Variants in RXFP1 observed in about 807,000 individuals in gnomAD.
The protein encoded by RXFP1 is relaxin family peptide receptor 1.
A neutral mutation model predicts 89.8 loss-of-function variants in RXFP1; 73 were observed. That is an observed-to-expected ratio of 0.81 (90% CI 0.67 to 0.99). The LOEUF (loss-of-function observed/expected upper bound fraction) is 0.99, where lower values mean the gene tolerates loss of function less well. Among genes scored for constraint, RXFP1 ranks in the 50% least tolerant of loss-of-function variants. The probability of loss-of-function intolerance (pLI) is 0.00; values close to 1 mark genes in which losing one functional copy is unlikely to be tolerated. For missense variants in RXFP1, 793 were observed against 895.5 expected (o/e 0.89, Z 1.46); for synonymous variants, 277 against 305.5 (o/e 0.91, Z 0.97).
At chr4:158,550,545 A>G (rs1183363906) in intron 1 of RXFP1, among the ~76,000 whole-genome samples, 2 of 152,216 alleles carry the variant, frequency 1.3e-5, no homozygotes, top group Non-Finnish European at 2.9e-5. Flanking sequence ...TGCATTGCTC[A>G]GGCTGGGAGC....
At chr4:158,556,224 C>CAAAAAAAAAAAAAAAAATAAAAA (rs1751266428) in intron 1 of RXFP1, among the ~76,000 whole-genome samples, 1 of 132,480 alleles carries the variant, frequency 7.5e-6, no homozygotes. Flanking sequence ...AACTTAACAG[C>CAAAAAAAAAAAAAAAAATAAAAA]AAAAAAAAAA....
intron 1 of RXFP1, among the ~76,000 whole-genome samples, chr4:158,567,945 C>T (rs1281316087): frequency 4.6e-5 from 7 of 152,226 alleles, no homozygotes; most frequent in Admixed American, 2.0e-4. Flanking sequence ...ATAAATCTTG[C>T]AGCTGCTCAC....
chr4:158,565,036 G>A (rs1050776064), intron 1 of RXFP1, among the ~76,000 whole-genome samples: 1 of 152,178 alleles, frequency 6.6e-6, no homozygotes, highest in African/African-American at 2.4e-5. Flanking sequence ...GAATTTCGGA[G>A]TTCCACTGGG....
intron 9 of RXFP1, among the ~76,000 whole-genome samples, chr4:158,617,501 C>T (rs58060950): frequency 1.9e-3 from 281 of 151,618 alleles, no homozygotes; most frequent in African/African-American, 6.4e-3. Context: ...TATGTAACAT[C>T]TCCCCCTTTC....
chr4:158,534,646 G>C (rs967062042), intron 1 of RXFP1, among the ~76,000 whole-genome samples: 5 of 152,002 alleles, frequency 3.3e-5, no homozygotes, highest in African/African-American at 1.2e-4. Flanking sequence ...ACTCATAAAT[G>C]TTGTCTGATT....
intron 1 of RXFP1, among the ~76,000 whole-genome samples, chr4:158,562,062 CA>C (rs1752563235): frequency 2.0e-5 from 3 of 152,110 alleles, no homozygotes; most frequent in Admixed American, 2.0e-4. Flanking sequence ...AACGTAAAAT[CA>C]CAAGTTTGAA....
chr4:158,622,765 A>G (rs1320573346), intron 9 of RXFP1, among the ~76,000 whole-genome samples: 1 of 152,206 alleles, frequency 6.6e-6, no homozygotes, highest in East Asian at 1.9e-4. Context: ...TATGAGATGA[A>G]TAAGCATACA....
chr4:158,626,373 G>A (rs1437804648), intron 9 of RXFP1, among the ~76,000 whole-genome samples: 1 of 152,056 alleles, frequency 6.6e-6, no homozygotes, highest in African/African-American at 2.4e-5. Context: ...TATTGTTTTG[G>A]CAGCAGCAGC....
intron 6 of RXFP1, among the ~76,000 whole-genome samples, chr4:158,608,576 GAAATAC>G (rs1762973626): frequency 6.6e-6 from 1 of 151,956 alleles, no homozygotes; most frequent in Non-Finnish European, 1.5e-5. Flanking sequence ...ACAAATGCAT[GAAATAC>G]TGTAAGGTTA....
intron 9 of RXFP1, among the ~76,000 whole-genome samples, chr4:158,617,426 A>AATAT (rs1554017037): frequency 5.4e-4 from 80 of 149,242 alleles, no homozygotes; most frequent in African/African-American, 1.9e-3. Context: ...TCTCAAAAAA[A>AATAT]ATATATATAT....
chr4:158,584,543 C>T (rs1315529205), intron 2 of RXFP1, among the ~76,000 whole-genome samples: 1 of 152,152 alleles, frequency 6.6e-6, no homozygotes, highest in Non-Finnish European at 1.5e-5. Context: ...CACATTTAGC[C>T]TTTCATTTTC....
chr4:158,563,159 G>A (rs182423990), intron 1 of RXFP1, among the ~76,000 whole-genome samples: 4 of 152,240 alleles, frequency 2.6e-5, no homozygotes, highest in African/African-American at 9.6e-5. Flanking sequence ...CCCAAAAGAG[G>A]GAATTTAGGG....
chr4:158,604,836 T>C (rs1762288075), intron 4 of RXFP1, among the ~76,000 whole-genome samples: 2 of 152,182 alleles, frequency 1.3e-5, no homozygotes, highest in African/African-American at 2.4e-5. Flanking sequence ...TTAACATTTT[T>C]TGTCAGAATT....
chr4:158,642,924 A>G (rs1472124644), intron 14 of RXFP1, among the ~76,000 whole-genome samples: 3 of 152,202 alleles, frequency 2.0e-5, no homozygotes, highest in Non-Finnish European at 4.4e-5. Flanking sequence ...TGAAATGCAC[A>G]GGGTTTTAAT....
At chr4:158,588,725 T>A (rs1308937258) in intron 2 of RXFP1, among the ~76,000 whole-genome samples, 2 of 152,184 alleles carry the variant, frequency 1.3e-5, no homozygotes, top group Non-Finnish European at 2.9e-5. Context: ...AAAACACCAA[T>A]GAAGTTGGGT....
chr4:158,617,245 T>C (rs1162172374), intron 9 of RXFP1, 40 bp downstream of exon 9: 4 of 1,478,988 alleles, frequency 2.7e-6, no homozygotes, highest in Non-Finnish European at 2.8e-6. Context: ...TCAACTAAAT[T>C]TTCTGTTTTT....
At chr4:158,549,145 C>A (rs983406856) in intron 1 of RXFP1, among the ~76,000 whole-genome samples, 60 of 150,968 alleles carry the variant, frequency 4.0e-4, no homozygotes, top group Admixed American at 7.3e-4. Context: ...AGGCTTTGTT[C>A]GTTTCTTTTT....
At chr4:158,549,027 A>G (rs1187148411) in intron 1 of RXFP1, among the ~76,000 whole-genome samples, 2 of 151,592 alleles carry the variant, frequency 1.3e-5, no homozygotes, top group African/African-American at 2.4e-5. Flanking sequence ...GTTCTCCTGG[A>G]TAATATCCTG....
Position 158,633,439 on chromosome 4 carries a change from C to G in RXFP1, c.934C>G (p.Pro312Ala), listed in dbSNP as rs752752491. The change falls in exon 12 of 18, where the codon CCG becomes GCG. Residue 312 changes from proline to alanine, a missense_variant. Physicochemically the swap from Pro to Ala is conservative, Grantham distance 27. Coordinates refer to ENST00000307765, the MANE Select transcript of RXFP1 (RefSeq NM_021634.4). ...LGSNKIENLP[P>A]LIFKDLKELS... ...AAGTAATAAGATTGAAAATCTTCCA[C>G]CGCTTATATTCAAGGACCTGAAGGA... 6.2e-7 allele frequency: 1 copy of G among 1,603,710 alleles called. No individual in the cohort carries two copies. Among genetic ancestry groups the G allele is most frequent in the African/African-American group, 1.3e-5 (1 of 74,598 alleles).
Sources: allele counts gnomAD v4.1 joint callset (sites outside exome capture counted in the v4.1 genomes callset), GRCh38; gene constraint gnomAD v4.1.1; transcripts MANE v1.5; gene names NCBI Gene and HGNC (gene_info 2026-07-23, HGNC 2026-07-21).